Variants in VCAN observed in about 807,000 individuals in gnomAD.
VCAN encodes versican.
Under a neutral mutation model 245.5 loss-of-function variants are expected in VCAN, and 44 were observed. That is an observed-to-expected ratio of 0.18 (90% confidence interval 0.14 to 0.23). VCAN has a LOEUF of 0.23. VCAN is among the 10% of genes least tolerant of loss of function. The pLI, the probability that VCAN is intolerant of heterozygous loss-of-function variation, is 1.00. For missense variants in VCAN, 3,793 were observed against 4,057.9 expected (o/e 0.93, Z 1.77); for synonymous variants, 1,413 against 1,437.0 (o/e 0.98, Z 0.38).
chr5:83,550,961 A>G (rs925147557), intron 10 of VCAN, among the ~76,000 whole-genome samples: 3 of 142,734 alleles, frequency 2.1e-5, no homozygotes, highest in Non-Finnish European at 4.6e-5. Flanking sequence ...CACAAAAACC[A>G]CTCTAAGTGG....
At chr5:83,574,934 A>G (rs974965587) in intron 13 of VCAN, among the ~76,000 whole-genome samples, 3 of 152,210 alleles carry the variant, frequency 2.0e-5, no homozygotes, top group African/African-American at 7.2e-5. Flanking sequence ...CGCTGTACAG[A>G]CTTTTTCCCT....
chr5:83,568,595 G>C (rs1448024687), intron 12 of VCAN, among the ~76,000 whole-genome samples: 1 of 152,120 alleles, frequency 6.6e-6, no homozygotes, highest in African/African-American at 2.4e-5. Context: ...TTCAGATCAG[G>C]AGGAAGTGTC....
chr5:83,538,544 C>G lies in VCAN; in HGVS notation c.5541C>G (p.Thr1847=), dbSNP rs1201819196. ...AAGCTGCTGCCGACCCAGAAACCAC[C>G]ACTGTTTCTTCATTTTCATTAAACG... ...SGEAAADPET[T]TVSSFSLNVE... is the part of the protein sequence containing the mutation. Residue 1847 remains threonine, a synonymous_variant, in exon 8 of 15, where the codon ACC becomes ACG. Transcript: ENST00000265077. The G allele has an allele frequency of 6.2e-7, 1 of 1,614,054 alleles. No homozygotes were observed. The highest frequency in any genetic ancestry group is 1.1e-5 in the South Asian group (1 of 91,084).
At chr5:83,507,359 C>G (rs1275620525) in intron 5 of VCAN, among the ~76,000 whole-genome samples, 6 of 152,200 alleles carry the variant, frequency 3.9e-5, no homozygotes, top group African/African-American at 1.2e-4. Context: ...TTGTTCTATG[C>G]TACTAAAATA....
At chr5:83,516,509 T>C (rs1230329085) in intron 6 of VCAN, among the ~76,000 whole-genome samples, 1 of 152,206 alleles carries the variant, frequency 6.6e-6, no homozygotes, top group Non-Finnish European at 1.5e-5. Flanking sequence ...CTGTCTCATG[T>C]CTCGCAACAG....
chr5:83,562,972 C>T (rs1297122395), intron 12 of VCAN, among the ~76,000 whole-genome samples: 1 of 152,146 alleles, frequency 6.6e-6, no homozygotes, highest in Admixed American at 6.6e-5. Context: ...GATTGTCTTT[C>T]CCGCACAGAG....
At chr5:83,552,058 G>A (rs1747491953) in intron 10 of VCAN, among the ~76,000 whole-genome samples, 1 of 152,172 alleles carries the variant, frequency 6.6e-6, no homozygotes, top group African/African-American at 2.4e-5. Flanking sequence ...AGGCCTGATA[G>A]ACTAAACTGA....
In VCAN at chr5:83,537,524, T is replaced by C. The variant is rs199572577; in HGVS notation, c.4521T>C (p.His1507=). Reference sequence around the variant, plus strand: ...ATGTTTTCCCCACAGTCCCATTCCATGAGGAATTTGAAAGTGGAACAGCCA... The same window carrying C: ...ATGTTTTCCCCACAGTCCCATTCCACGAGGAATTTGAAAGTGGAACAGCCA... ...EPDVFPTVPF[H]EEFESGTAKK... is the part of the protein sequence containing the mutation. Residue 1507 remains histidine, a synonymous_variant, in exon 8 of 15, where the codon CAT becomes CAC. Transcript: ENST00000265077. 3.7e-6 allele frequency: 6 copies of C among 1,613,784 alleles called. No individual in the cohort carries two copies. In the Admixed American group the frequency reaches 1.0e-4, roughly 27 times the overall value.
chr5:83,540,719 G>T lies in VCAN; in HGVS notation c.7716G>T (p.Ser2572=). Residue 2572 remains serine, a synonymous_variant, in exon 8 of 15, where the codon TCG becomes TCT. Coordinates refer to ENST00000265077, the MANE Select transcript of VCAN (RefSeq NM_004385.5). ...TTGAAATTCTACCTGAGCTGACATC[G>T]GATAAAAATACTATCATAGATATTG... is the stretch of plus-strand genomic sequence containing the variant. ...TILEILPELT[S]DKNTIIDIDH... is the part of the protein sequence containing the mutation. 6.2e-7 allele frequency: 1 copy of T among 1,613,744 alleles called. No homozygotes were observed. The highest frequency in any genetic ancestry group is 8.5e-7 in the Non-Finnish European group (1 of 1,179,920).
chr5:83,530,246 A>G (rs188797931), intron 7 of VCAN, among the ~76,000 whole-genome samples: 150 of 152,206 alleles, frequency 9.9e-4, no homozygotes, highest in Middle Eastern at 3.4e-3. Flanking sequence ...CATAAACATC[A>G]TTTTACAAAT....
intron 5 of VCAN, among the ~76,000 whole-genome samples, chr5:83,503,564 A>G (rs1310896574): frequency 1.3e-5 from 2 of 152,250 alleles, no homozygotes; most frequent in Non-Finnish European, 2.9e-5. Context: ...CCAAATGGAC[A>G]AAGGAAATTA....
Position 83,541,456 on chromosome 5 carries a change from C to T in VCAN, c.8453C>T (p.Ala2818Val), listed in dbSNP as rs753597820. The change falls in exon 8 of 15, where the codon GCG becomes GTG. Residue 2818 changes from alanine (A) to valine (V), a missense_variant. Around this residue, in one of 5 missense-constraint regions of VCAN, gnomAD observed 3,182 missense variants for 3,250.3 expected, o/e 0.98. Transcript: ENST00000265077. Reference sequence around the variant, plus strand: ...ACAACATTAGCAGTTTCAACATTTGCGAAGTTGTCTTCTCAGACACCATCA... The same window carrying T: ...ACAACATTAGCAGTTTCAACATTTGTGAAGTTGTCTTCTCAGACACCATCA... ...TDTTLAVSTF[A>V]KLSSQTPSSP... 20 of 1,613,932 alleles carry T rather than the reference C, an allele frequency of 1.2e-5. No individual in the cohort carries two copies. Among genetic ancestry groups the T allele is most frequent in the African/African-American group, 5.3e-5 (4 of 74,878 alleles).
intron 5 of VCAN, among the ~76,000 whole-genome samples, chr5:83,499,812 T>C (rs1265763174): frequency 6.6e-6 from 1 of 152,212 alleles, no homozygotes; most frequent in Non-Finnish European, 1.5e-5. Flanking sequence ...CAGGATGGCT[T>C]TGTCACCTCT....
intron 10 of VCAN, among the ~76,000 whole-genome samples, chr5:83,549,221 A>G (rs1035356996): frequency 2.6e-5 from 4 of 152,196 alleles, no homozygotes; most frequent in South Asian, 2.1e-4. Context: ...CGTTTTTTCA[A>G]TGTGCATTTA....
intron 7 of VCAN, among the ~76,000 whole-genome samples, chr5:83,525,492 A>G (rs947502323): frequency 1.3e-5 from 2 of 152,180 alleles, no homozygotes; most frequent in South Asian, 2.1e-4. Context: ...ACAAACAGGT[A>G]TTTTTAAATC....
rs1747306095 is a variant in VCAN, at chr5:83,548,100, A to G, written c.9493+16A>G. 5.0e-6 allele frequency: 8 copies of G among 1,588,050 alleles called. 1 individual carries two copies. In the East Asian group the frequency reaches 6.7e-5, roughly 13 times the overall value. On this transcript the variant is annotated intron_variant, in intron 10 of 14. Coordinates refer to ENST00000265077, the MANE Select transcript of VCAN (RefSeq NM_004385.5). ...TGTGAGCAAGGTAAGAGCTATTGCA[A>G]CATTTGTATGATGAACATTATTGAT... is the stretch of plus-strand genomic sequence containing the variant.
At chr5:83,552,696 T>C (rs1747515436) in intron 10 of VCAN, among the ~76,000 whole-genome samples, 2 of 151,274 alleles carry the variant, frequency 1.3e-5, no homozygotes, top group Admixed American at 1.3e-4. Flanking sequence ...AATGGGGGGG[T>C]GAGTTAAATA....
At position 83,482,219 on chromosome 5, in the gene VCAN, C is replaced by T. The variant is rs76220670; in HGVS notation, c.-6-1294C>T. Reference sequence around the variant, plus strand: ...ACTCATGGATGCAAAATCCCTACAACAGTTCCAGCAGAAAGATTCCAGCAT... The same window carrying T: ...ACTCATGGATGCAAAATCCCTACAATAGTTCCAGCAGAAAGATTCCAGCAT... On this transcript the variant is annotated intron_variant, in intron 1 of 14. Transcript: ENST00000265077. 9.9e-3 allele frequency among the ~76,000 whole-genome samples: 1,515 copies of T among 152,296 alleles called. 30 individuals carry two copies. Among genetic ancestry groups the T allele is most frequent in the African/African-American group, 0.035 (1,436 of 41,558 alleles).
chr5:83,517,763 T>C (rs1580624679), intron 6 of VCAN, among the ~76,000 whole-genome samples: 1 of 152,200 alleles, frequency 6.6e-6, no homozygotes, highest in African/African-American at 2.4e-5. Flanking sequence ...TGTTTTAATA[T>C]TAGAAAGATA....
Sources: gnomAD v4.1 joint callset for allele counts (sites outside exome capture counted in the v4.1 genomes callset) on GRCh38, gnomAD v4.1.1 for gene constraint, gnomAD v4.1.1 regional missense constraint, MANE v1.5 for transcripts, NCBI Gene and HGNC (gene_info 2026-07-23, HGNC 2026-07-21) for gene names.